Variants in FBXO47 observed in about 807,000 individuals in gnomAD.
The protein encoded by FBXO47 is F-box protein 47, also known as F-box only protein 47.
Under a neutral mutation model 53.9 loss-of-function variants are expected in FBXO47, and 34 were observed. That is an observed-to-expected ratio of 0.63 (90% CI 0.48 to 0.84). The LOEUF is 0.84. Ranked by LOEUF, FBXO47 falls within the 40% of genes least tolerant of loss-of-function variation. FBXO47 has a pLI of 0.00. For synonymous variants in FBXO47, 165 were observed against 181.6 expected, an observed-to-expected ratio of 0.91 and a Z score of 0.73; for missense variants, 485 against 541.3, an observed-to-expected ratio of 0.90 and a Z score of 1.03.
intron 1 of FBXO47, among the ~76,000 whole-genome samples, chr17:38,964,575 C>T (rs1419462565): frequency 1.3e-5 from 2 of 151,788 alleles, no homozygotes; most frequent in African/African-American, 2.4e-5. Context: ...GCATGAGAAT[C>T]GCTTGAACCC....
At chr17:38,960,635 T>A (rs1405515152) in intron 3 of FBXO47, among the ~76,000 whole-genome samples, 1 of 150,194 alleles carries the variant, frequency 6.7e-6, no homozygotes, top group Non-Finnish European at 1.5e-5. Context: ...TTTCTCTTTT[T>A]TTTTTTTTTT....
chr17:38,951,385 G>A (rs776705452), intron 6 of FBXO47, among the ~76,000 whole-genome samples, 196 bp downstream of exon 6: 35 of 151,692 alleles, frequency 2.3e-4, no homozygotes, highest in Admixed American at 1.4e-3. Context: ...GTAGAGACAA[G>A]GTCTCGCTAT....
At chr17:38,948,803 G>A (rs1456337873) in intron 6 of FBXO47, among the ~76,000 whole-genome samples, 4 of 151,710 alleles carry the variant, frequency 2.6e-5, no homozygotes, top group African/African-American at 9.7e-5. Flanking sequence ...TGGGCAGAAC[G>A]TGCAGGTTTG....
chr17:38,939,293 C>CA (rs1218321299), intron 9 of FBXO47, among the ~76,000 whole-genome samples: 901 of 34,864 alleles, frequency 0.026, 144 homozygotes, highest in Middle Eastern at 0.11. Context: ...ACTCCATCTC[C>CA]AAAAAAAAAA....
intron 6 of FBXO47, among the ~76,000 whole-genome samples, chr17:38,946,287 A>T (rs1352398878): frequency 3.6e-5 from 3 of 83,152 alleles, no homozygotes; most frequent in African/African-American, 1.4e-4. Flanking sequence ...AATATATATA[A>T]ATATATAAAA....
At chr17:38,942,718 T>G in intron 9 of FBXO47, 60 bp downstream of exon 9, 1 of 1,374,412 alleles carries the variant, frequency 7.3e-7, no homozygotes, top group Non-Finnish European at 1.0e-6. Context: ...TCAGGGCAGC[T>G]CCCTGTAGGT....
At position 38,961,963 on chromosome 17, in the gene FBXO47, T is replaced by C. The variant is rs764053515; in HGVS notation, c.266A>G (p.Lys89Arg). Reference protein sequence around the residue: ...INYISTSSGSKRLLLQDFHNL... With the variant: ...INYISTSSGSRRLLLQDFHNL... ...ATGAAAGTCCTGTAGTAAAAGTCTT[T>C]TGCTTCCTGATGAGGTTGAGATATA... is the stretch of plus-strand genomic sequence containing the variant. Residue 89 changes from lysine (K) to arginine (R), a missense_variant, in exon 3 of 11, where the codon AAA becomes AGA. Physicochemically the swap from Lys to Arg is conservative, Grantham distance 26. Transcript: ENST00000378079. The C allele has an allele frequency of 5.0e-6, 8 of 1,613,986 alleles. No individual in the cohort carries two copies. The highest frequency in any genetic ancestry group is 5.9e-6 in the Non-Finnish European group (7 of 1,179,996).
At chr17:38,946,092 A>G (rs1904768734) in intron 6 of FBXO47, among the ~76,000 whole-genome samples, 1 of 128,564 alleles carries the variant, frequency 7.8e-6, no homozygotes, top group African/African-American at 2.9e-5. Context: ...AAATACATAA[A>G]TATATATTTA....
At chr17:38,947,167 G>T (rs1230285199) in intron 6 of FBXO47, among the ~76,000 whole-genome samples, 2 of 147,768 alleles carry the variant, frequency 1.4e-5, no homozygotes, top group African/African-American at 2.5e-5. Context: ...AGCGGCAGTG[G>T]CACGTGCCTT....
chr17:38,951,559 T>C (rs761523801), intron 6 of FBXO47, 22 bp downstream of exon 6: 2 of 1,493,340 alleles, frequency 1.3e-6, no homozygotes, highest in South Asian at 1.1e-5. Flanking sequence ...CTGTATATTA[T>C]ATGCAAATTA....
chr17:38,942,902 A>C lies in FBXO47; in HGVS notation c.959T>G (p.Leu320Arg). The change falls in exon 9 of 11, where the codon CTT (leucine) becomes CGT (arginine). Residue 320 changes from leucine to arginine, a missense_variant. Leu to Arg is a moderately radical substitution (Grantham distance 102). Transcript: ENST00000378079. ...TAGGAGACGTGCATTATTCTCTAGA[A>C]GCCACTCACGGGGAACCACTTTTAT... ...DELSVVPREW[L>R]LENNARLLML... The C allele has an allele frequency of 6.2e-7, 1 of 1,608,568 alleles. No homozygotes were observed. Among genetic ancestry groups the C allele is most frequent in the Non-Finnish European group, 8.5e-7 (1 of 1,178,520 alleles).
intron 6 of FBXO47, among the ~76,000 whole-genome samples, chr17:38,949,084 T>G (rs992488769): frequency 2.0e-5 from 3 of 152,122 alleles, no homozygotes; most frequent in African/African-American, 4.8e-5. Flanking sequence ...ACATCTGAGT[T>G]GTTTCCATCT....
intron 3 of FBXO47, among the ~76,000 whole-genome samples, chr17:38,959,175 C>G (rs966611475): frequency 3.3e-5 from 5 of 151,800 alleles, no homozygotes; most frequent in African/African-American, 4.8e-5. Flanking sequence ...ACCACAGGTG[C>G]TCTGCTATAC....
intron 6 of FBXO47, among the ~76,000 whole-genome samples, chr17:38,946,233 T>A (rs1209371336): frequency 1.6e-3 from 176 of 109,054 alleles, no homozygotes; most frequent in African/African-American, 6.5e-3. Context: ...TATAAATATA[T>A]ACAAATATAT....
intron 2 of FBXO47, among the ~76,000 whole-genome samples, chr17:38,962,593 CA>C (rs1205454293): frequency 6.8e-6 from 1 of 147,852 alleles, no homozygotes; most frequent in Non-Finnish European, 1.5e-5. Flanking sequence ...GCAACAAGAG[CA>C]AAACTCCATC....
At position 38,962,830 on chromosome 17, in the gene FBXO47, G is replaced by T. The variant is rs188866820; in HGVS notation, c.181+15C>A. On this transcript the variant is annotated intron_variant, in intron 2 of 10. Transcript: ENST00000378079. ...AGTGTCTTGTGTAGGCTATTCATAA[G>T]TTCCCAAACCTCACCTGACAAATAT... 773 of 1,591,932 alleles carry T rather than the reference G, an allele frequency of 4.9e-4. 2 individuals are homozygous for T. The highest frequency in any genetic ancestry group is 7.6e-4 in the Admixed American group (44 of 57,706).
At chr17:38,951,744 A>C in intron 5 of FBXO47, 55 bp from the exon 6 acceptor site, 1 of 1,356,082 alleles carries the variant, frequency 7.4e-7, no homozygotes, top group South Asian at 1.2e-5. Flanking sequence ...TCAAAACATA[A>C]GTCACACCAG....
At chr17:38,941,616 A>AT (rs1022510888) in intron 9 of FBXO47, among the ~76,000 whole-genome samples, 3 of 104,026 alleles carry the variant, frequency 2.9e-5, no homozygotes, top group East Asian at 4.7e-4. Flanking sequence ...AAATAAATAT[A>AT]ATATTATATA....
rs747308897 is a variant in FBXO47 at position 38,942,937 on chromosome 17, A to C, written c.941-17T>G. ...GGGGAACCACTTTTATTAGAGGAAGAACAATTATTTAATGAGAAATCACAC... is the reference window on the plus strand; with the variant it reads ...GGGGAACCACTTTTATTAGAGGAAGCACAATTATTTAATGAGAAATCACAC... On this transcript the variant is annotated splice_polypyrimidine_tract_variant and intron_variant, in intron 8 of 10. Transcript: ENST00000378079. The C allele has an allele frequency of 6.3e-7, 1 of 1,592,186 alleles. No homozygotes were observed. Among genetic ancestry groups the C allele is most frequent in the South Asian group, 1.1e-5 (1 of 87,780 alleles).
Sources: allele counts gnomAD v4.1 joint callset (sites outside exome capture counted in the v4.1 genomes callset), GRCh38; gene constraint gnomAD v4.1.1; transcripts MANE v1.5; gene names NCBI Gene and HGNC (gene_info 2026-07-23, HGNC 2026-07-21).